OPTN: variants seen among roughly 807,000 people sequenced by gnomAD.
The protein encoded by OPTN is optineurin.
In OPTN, 54 loss-of-function variants were observed where a neutral mutation model predicts 70.4. The ratio of observed to expected loss-of-function variants is 0.77; its 90% CI spans 0.62 to 0.96. The LOEUF (loss-of-function observed/expected upper bound fraction) is 0.96. Among genes scored for constraint, OPTN ranks in the 40% least tolerant of loss-of-function variants. The pLI, the probability that OPTN is intolerant of heterozygous loss-of-function variation, is 0.00. For missense variants in OPTN, 624 were observed against 673.2 expected (o/e 0.93, Z 0.81); for synonymous variants, 256 against 248.5 (o/e 1.03, Z -0.28).
At chr10:13,131,966 G>A in intron 12 of OPTN, 101 bp from the exon 13 acceptor site, 1 of 1,160,286 alleles carries the variant, frequency 8.6e-7, no homozygotes, top group Non-Finnish European at 1.3e-6. Flanking sequence ...TGATTCACAA[G>A]GGCTATTGAA....
intron 4 of OPTN, 26 bp downstream of exon 4, chr10:13,110,502 T>G (rs1175532404): frequency 6.6e-7 from 1 of 1,504,134 alleles, no homozygotes; most frequent in Admixed American, 2.0e-5. Flanking sequence ...CATTGTGATG[T>G]TGTTTTTTTT....
At chr10:13,125,855 C>A in intron 10 of OPTN, 91 bp from the exon 11 acceptor site, 1 of 955,892 alleles carries the variant, frequency 1.0e-6, no homozygotes, top group Non-Finnish European at 1.7e-6. Context: ...GAAGATTTTT[C>A]TACTGGAGTG....
At chr10:13,115,302 TAATA>T (rs1564359616) in intron 5 of OPTN, among the ~76,000 whole-genome samples, 1 of 106,584 alleles carries the variant, frequency 9.4e-6, no homozygotes, top group African/African-American at 3.8e-5. Context: ...CTATAATATA[TAATA>T]TATAATATAA....
chr10:13,125,698 C>A (rs1179453826), intron 10 of OPTN, 131 bp downstream of exon 10: 25 of 1,032,994 alleles, frequency 2.4e-5, no homozygotes, highest in Admixed American at 4.8e-5. Flanking sequence ...GGAGTCCTAG[C>A]AGACCTCTCA....
chr10:13,135,372 T>C (rs1479472795), intron 14 of OPTN, among the ~76,000 whole-genome samples: 1 of 151,984 alleles, frequency 6.6e-6, no homozygotes, highest in Non-Finnish European at 1.5e-5. Flanking sequence ...AATGATAGGG[T>C]GCATTCTTCC....
intron 11 of OPTN, among the ~76,000 whole-genome samples, chr10:13,126,939 A>C (rs1262966298): frequency 6.6e-6 from 1 of 152,110 alleles, no homozygotes; most frequent in Non-Finnish European, 1.5e-5. Flanking sequence ...CAGGAGGATC[A>C]CTTGAGCCTA....
At chr10:13,122,277 T>C (rs532389346) in intron 7 of OPTN, 108 bp from the exon 8 acceptor site, 1 of 772,830 alleles carries the variant, frequency 1.3e-6, no homozygotes, top group African/African-American at 1.7e-5. Context: ...AAACCCCTGA[T>C]CCTTTATCCC....
intron 1 of OPTN, among the ~76,000 whole-genome samples, chr10:13,101,408 A>AC (rs1554767524): frequency 9.7e-5 from 4 of 41,306 alleles, no homozygotes; most frequent in Non-Finnish European, 2.1e-4. Flanking sequence ...CCACCCCCCC[A>AC]CCCACCCCCG....
rs192859941 is a variant in OPTN at position 13,108,740 on chromosome 10, G to T, written c.-11-372G>T. On this transcript the variant is annotated intron_variant, in intron 2 of 14. Transcript: ENST00000378747. ...TTTTTGTATTTTTAGTAGAGACGGG[G>T]TTTCACTGTGTTAGCCAGGATGGTC... Among the ~76,000 whole-genome samples the T allele has an allele frequency of 7.5e-3, 1,147 of 152,142 alleles. 10 individuals are homozygous for T. Among genetic ancestry groups the T allele is most frequent in the Non-Finnish European group, 0.013 (872 of 68,002 alleles).
At chr10:13,121,596 C>T (rs959874429) in intron 7 of OPTN, among the ~76,000 whole-genome samples, 1 of 151,308 alleles carries the variant, frequency 6.6e-6, no homozygotes, top group African/African-American at 2.4e-5. Flanking sequence ...AAGCTAAGGC[C>T]CCACCTTTGT....
Position 13,109,671 on chromosome 10 carries a change from T to TAA in OPTN, c.166+399_166+400dup, listed in dbSNP as rs34623086. 3.6e-3 allele frequency: 470 copies of TAA among 130,780 alleles called. 1 individual carries two copies. Among genetic ancestry groups the TAA allele is most frequent in the African/African-American group, 6.0e-3 (192 of 32,166 alleles). 8.1% of individuals were successfully genotyped at this position (130,780 alleles called of 1,614,324 possible). ...CAAGACCTGATCTCTACAAAAAAAT[T>TAA]AAAAAAAAAAAAAAAAAGCTGGGCG... On this transcript the variant is annotated intron_variant, in intron 3 of 14. Coordinates refer to ENST00000378747, the MANE Select transcript of OPTN (RefSeq NM_001008212.2).
chr10:13,121,087 G>A (rs1833338633), intron 7 of OPTN, among the ~76,000 whole-genome samples: 1 of 152,096 alleles, frequency 6.6e-6, no homozygotes, highest in Admixed American at 6.5e-5. Flanking sequence ...TCTCTCCCTT[G>A]ACACATGGGG....
chr10:13,108,585 T>C (rs556670414), intron 2 of OPTN, among the ~76,000 whole-genome samples: 9 of 151,414 alleles, frequency 5.9e-5, no homozygotes, highest in Non-Finnish European at 1.3e-4. Context: ...CTCGCTCTGT[T>C]GCCCAGGCTG....
At chr10:13,125,367 T>A in intron 9 of OPTN, 51 bp from the exon 10 acceptor site, 1 of 1,607,532 alleles carries the variant, frequency 6.2e-7, no homozygotes, top group Non-Finnish European at 8.5e-7. Context: ...TAAAAGCCAC[T>A]GCGACGTAAA....
intron 12 of OPTN, among the ~76,000 whole-genome samples, chr10:13,130,089 C>T (rs1833560519): frequency 6.6e-6 from 1 of 152,104 alleles, no homozygotes; most frequent in South Asian, 2.1e-4. Flanking sequence ...TTGATGGATA[C>T]TCTTGCTCAT....
At chr10:13,101,191 A>G (rs1832735827) in intron 1 of OPTN, among the ~76,000 whole-genome samples, 1 of 152,220 alleles carries the variant, frequency 6.6e-6, no homozygotes, top group South Asian at 2.1e-4. Context: ...CCTGGAGTGG[A>G]CAAGGCAAGT....
At chr10:13,124,147 T>C (rs368247689) in intron 9 of OPTN, 37 bp downstream of exon 9, 1 of 1,216,844 alleles carries the variant, frequency 8.2e-7, no homozygotes, top group Non-Finnish European at 1.2e-6. Flanking sequence ...TCCTTTGAAA[T>C]ATACATTTTT....
chr10:13,136,682 C>T, intron 14 of OPTN, 63 bp from the exon 15 acceptor site: 1 of 1,605,570 alleles, frequency 6.2e-7, no homozygotes, highest in East Asian at 2.2e-5. Context: ...ATCTGTTCTT[C>T]AAGTGAAACA....
rs745564491 is a variant in OPTN, at chr10:13,137,252, C to A, written c.*386C>A. The A allele has an allele frequency of 2.8e-5, 10 of 358,708 alleles. No homozygotes were observed. The highest frequency in any genetic ancestry group is 4.7e-5 in the Non-Finnish European group (9 of 190,444). The allele number at this position is 358,708 out of a possible 1,614,324, so 22.2% of individuals were successfully genotyped here. On this transcript the variant is annotated 3_prime_UTR_variant, in exon 15 of 15. Coordinates refer to ENST00000378747, the MANE Select transcript of OPTN (RefSeq NM_001008212.2). ...CGAGACGACACCACTGCACTCCAGC[C>A]TGGGTGACAGAGGGAGACTCTGTCT...
Sources: allele counts gnomAD v4.1 joint callset (sites outside exome capture counted in the v4.1 genomes callset), GRCh38; gene constraint gnomAD v4.1.1; transcripts MANE v1.5; gene names NCBI Gene and HGNC (gene_info 2026-07-23, HGNC 2026-07-21).